The following PPAT variants were observed in gnomAD, a reference collection of about 807,000 sequenced individuals.
PPAT encodes the protein amidophosphoribosyltransferase.
A neutral mutation model predicts 60.2 loss-of-function variants in PPAT; 20 were observed. The observed-to-expected ratio is 0.33, with a 90% CI of 0.23 to 0.48. The LOEUF (loss-of-function observed/expected upper bound fraction) is 0.48, where lower values mean the gene tolerates loss of function less well. PPAT is among the 20% of genes least tolerant of loss of function. PPAT has a pLI of 0.99. For missense variants in PPAT, 349 were observed against 629.6 expected, an observed-to-expected ratio of 0.55 and a Z score of 4.77; for synonymous variants, 194 against 215.1, an observed-to-expected ratio of 0.90 and a Z score of 0.86.
At chr4:56,407,588 G>T in intron 2 of PPAT, 62 bp downstream of exon 2, 1 of 1,371,782 alleles carries the variant, frequency 7.3e-7, no homozygotes, top group Non-Finnish European at 1.0e-6. Flanking sequence ...AAAGTCCTGG[G>T]ATTACAGGCA....
At chr4:56,414,876 C>T (rs1188601095) in intron 1 of PPAT, among the ~76,000 whole-genome samples, 2 of 152,142 alleles carry the variant, frequency 1.3e-5, no homozygotes, top group African/African-American at 2.4e-5. Context: ...AAACATTCCT[C>T]GACAACATTT....
chr4:56,430,311 A>G (rs1391722884), intron 1 of PPAT, among the ~76,000 whole-genome samples: 1 of 152,132 alleles, frequency 6.6e-6, no homozygotes, highest in Admixed American at 6.6e-5. Flanking sequence ...CACTTTACAT[A>G]TATTAACATA....
intron 1 of PPAT, chr4:56,410,434 C>A: frequency 1.4e-6 from 1 of 737,154 alleles, no homozygotes; most frequent in Non-Finnish European, 1.7e-6. Context: ...CTCTTCGGAG[C>A]TTATTGACAA....
chr4:56,433,756 G>T (rs1369898804), intron 1 of PPAT, among the ~76,000 whole-genome samples: 1 of 151,432 alleles, frequency 6.6e-6, no homozygotes, highest in South Asian at 2.1e-4. Flanking sequence ...GTGCAGTGGC[G>T]TGATCTCTGC....
intron 1 of PPAT, among the ~76,000 whole-genome samples, chr4:56,419,356 G>GA (rs1023645198): frequency 2.7e-5 from 4 of 150,928 alleles, no homozygotes; most frequent in Non-Finnish European, 5.9e-5. Context: ...GTATGGAAGA[G>GA]AAAAAAAAGG....
rs1298909485 is a variant in PPAT, at chr4:56,406,683, G to A, written c.214C>T (p.His72Tyr). 1 of 1,609,354 alleles carries A rather than the reference G, an allele frequency of 6.2e-7. No homozygotes were observed. Residue 72 changes from histidine (H) to tyrosine (Y), a missense_variant, in exon 3 of 11, where the codon CAC becomes TAC. Physicochemically the swap from His to Tyr is moderately conservative, Grantham distance 83 (BLOSUM62 2). This residue lies in a region of PPAT where 115 missense variants were observed against 174.5 expected (regional missense o/e 0.66). Transcript: ENST00000264220. ...KSHKGMGLVNHVFTEDNLKKL... is the reference protein window; with the variant it reads ...KSHKGMGLVNYVFTEDNLKKL... ...TTCAAATTGTCTTCAGTAAAGACGTGATTTACAAGACCCATTCCCTTGAGA... is the reference window on the plus strand; with the variant it reads ...TTCAAATTGTCTTCAGTAAAGACGTAATTTACAAGACCCATTCCCTTGAGA...
chr4:56,403,790 A>G (rs1716177498), intron 3 of PPAT, among the ~76,000 whole-genome samples: 1 of 152,158 alleles, frequency 6.6e-6, no homozygotes, highest in African/African-American at 2.4e-5. Flanking sequence ...ACAGTAACAG[A>G]TCATCAGGCA....
intron 1 of PPAT, among the ~76,000 whole-genome samples, chr4:56,432,642 G>A (rs1383993858): frequency 6.6e-5 from 10 of 151,446 alleles, no homozygotes; most frequent in East Asian, 1.9e-4. Context: ...AAAATTAGCC[G>A]GGCGTGGTGG....
chr4:56,412,694 A>G (rs1716522690), intron 1 of PPAT, among the ~76,000 whole-genome samples: 1 of 152,144 alleles, frequency 6.6e-6, no homozygotes, highest in Non-Finnish European at 1.5e-5. Flanking sequence ...GTCAGTCACT[A>G]AGTCTTTAAA....
intron 1 of PPAT, among the ~76,000 whole-genome samples, chr4:56,432,525 CAAAA>C (rs34998854): frequency 8.0e-5 from 6 of 75,348 alleles, no homozygotes; most frequent in Admixed American, 1.5e-4. Flanking sequence ...GACCCTGTCT[CAAAA>C]AAAAAAAAAA....
chr4:56,412,389 G>C (rs1206426611), intron 1 of PPAT, among the ~76,000 whole-genome samples: 1 of 150,090 alleles, frequency 6.7e-6, no homozygotes, highest in Non-Finnish European at 1.5e-5. Flanking sequence ...GCTCATTGCT[G>C]CCTCAACTTC....
At chr4:56,416,652 T>G (rs906460647) in intron 1 of PPAT, among the ~76,000 whole-genome samples, 1 of 152,196 alleles carries the variant, frequency 6.6e-6, no homozygotes, top group Non-Finnish European at 1.5e-5. Context: ...GTTCTCTAAT[T>G]TCCGAACTTT....
At chr4:56,417,279 T>C (rs1198882384) in intron 1 of PPAT, among the ~76,000 whole-genome samples, 1 of 152,040 alleles carries the variant, frequency 6.6e-6, no homozygotes, top group African/African-American at 2.4e-5. Flanking sequence ...ATTAAATATT[T>C]GTAACCTAAA....
chr4:56,433,239 G>A (rs1442917648), intron 1 of PPAT, among the ~76,000 whole-genome samples: 2 of 151,616 alleles, frequency 1.3e-5, no homozygotes, highest in African/African-American at 2.4e-5. Flanking sequence ...CTACACAAGA[G>A]AAATGTTAAA....
chr4:56,418,975 T>G (rs949437696), intron 1 of PPAT, among the ~76,000 whole-genome samples: 1 of 152,212 alleles, frequency 6.6e-6, no homozygotes, highest in Non-Finnish European at 1.5e-5. Flanking sequence ...ATGGCTTTAG[T>G]CTTTCTGTAA....
chr4:56,396,605 AT>A lies in PPAT; in HGVS notation c.1357+13del. 6.3e-7 allele frequency: 1 copy of A among 1,592,722 alleles called. No homozygotes were observed. Among genetic ancestry groups the A allele is most frequent in the South Asian group, 1.1e-5 (1 of 88,868 alleles). On this transcript the variant is annotated intron_variant, in intron 10 of 10. Coordinates refer to ENST00000264220, the MANE Select transcript of PPAT (RefSeq NM_002703.5). This position sits in a 1 kb window ranked among gnomAD's most constrained non-coding sequence, Gnocchi z 4.6. ...CTGTTAATAATCAAAGTTTATAGAA[AT>A]TTTAATACTTACCTAGATATTCTGC...
chr4:56,410,191 A>G (rs1323903811), intron 1 of PPAT, among the ~76,000 whole-genome samples: 3 of 152,250 alleles, frequency 2.0e-5, no homozygotes, highest in Non-Finnish European at 4.4e-5. Context: ...TTTCAAAACA[A>G]TTTTTAAAAA....
rs762680514 is a variant in PPAT, at chr4:56,403,190, A to G, written c.516-5T>C. 3 of 1,583,320 alleles carry G rather than the reference A, an allele frequency of 1.9e-6. No individual in the cohort carries two copies. Among genetic ancestry groups the G allele is most frequent in the Admixed American group, 1.8e-5 (1 of 56,776 alleles). The stretch of plus-strand genomic sequence containing the variant: ...TCCTTCATCAAGTTTTTAATCCTGG[A>G]ATTAATTAAATAATTGAATGAATAA... On this transcript the variant is annotated splice_polypyrimidine_tract_variant and splice_region_variant and intron_variant, in intron 4 of 10. Transcript: ENST00000264220.
chr4:56,423,436 A>G (rs1056257308), intron 1 of PPAT: 1 of 152,228 alleles, frequency 6.6e-6, no homozygotes, highest in Non-Finnish European at 1.5e-5. Context: ...CAGCCTGGGC[A>G]ACACAGCAAG....
Sources: gnomAD v4.1 joint callset for allele counts (sites outside exome capture counted in the v4.1 genomes callset) on GRCh38, gnomAD v4.1.1 for gene constraint, gnomAD v4.1.1 regional missense constraint, Gnocchi (gnomAD v3.1) non-coding constraint, MANE v1.5 for transcripts, NCBI Gene and HGNC (gene_info 2026-07-23, HGNC 2026-07-21) for gene names.